Variants in XCR1 observed in about 807,000 individuals in gnomAD.
XCR1 encodes the protein X-C motif chemokine receptor 1.
For synonymous variants in XCR1, 187 were observed against 188.5 expected, an observed-to-expected ratio of 0.99 and a Z score of 0.06; for missense variants, 356 against 424.2, an observed-to-expected ratio of 0.84 and a Z score of 1.41.
At chr3:46,068,936 A>G (rs1185882896) in intron 3 of XCR1, among the ~76,000 whole-genome samples, 1 of 152,248 alleles carries the variant, frequency 6.6e-6, no homozygotes, top group Non-Finnish European at 1.5e-5. Context: ...TAAAAATACT[A>G]AACCAATGTA....
intron 5 of XCR1, among the ~76,000 whole-genome samples, chr3:46,036,702 A>G (rs1451864405): frequency 6.6e-6 from 1 of 152,202 alleles, no homozygotes; most frequent in African/African-American, 2.4e-5. Context: ...AAAATGATAA[A>G]CCTAGCCAGA....
At chr3:46,032,278 T>C (rs1018222126), upstream of XCR1, among the ~76,000 whole-genome samples, 1 of 152,210 alleles carries the variant, frequency 6.6e-6, no homozygotes, top group African/African-American at 2.4e-5. Flanking sequence ...TGGGGCCTTG[T>C]GGTTCCTAGC....
At chr3:46,070,983 T>C (rs1232355591) in intron 3 of XCR1, among the ~76,000 whole-genome samples, 1 of 152,182 alleles carries the variant, frequency 6.6e-6, no homozygotes, top group East Asian at 1.9e-4. Context: ...TTTATGATGG[T>C]GAATACCAAC....
chr3:46,076,187 T>A (rs903639579), intron 2 of XCR1, among the ~76,000 whole-genome samples: 1 of 152,186 alleles, frequency 6.6e-6, no homozygotes, highest in African/African-American at 2.4e-5. Flanking sequence ...TTGGATTTTG[T>A]ATGCAAAACA....
intron 5 of XCR1, among the ~76,000 whole-genome samples, chr3:46,042,692 A>G (rs1697556874): frequency 6.6e-6 from 1 of 152,242 alleles, no homozygotes; most frequent in Non-Finnish European, 1.5e-5. Context: ...AAACTTCCCA[A>G]TAAAGAAAAG....
intron 1 of XCR1, among the ~76,000 whole-genome samples, chr3:46,082,650 C>A (rs1698395434): frequency 7.6e-6 from 1 of 132,420 alleles, no homozygotes; most frequent in African/African-American, 2.5e-5. Context: ...ACCACCACAC[C>A]CAGCTAATTA....
chr3:46,075,180 A>T (rs1575442702), intron 2 of XCR1, among the ~76,000 whole-genome samples: 1 of 150,760 alleles, frequency 6.6e-6, no homozygotes, highest in South Asian at 2.1e-4. Flanking sequence ...GAAGAGAGTT[A>T]AAAAAACCCA....
At chr3:46,057,465 A>G (rs961105423) in intron 4 of XCR1, among the ~76,000 whole-genome samples, 3 of 152,220 alleles carry the variant, frequency 2.0e-5, no homozygotes, top group Non-Finnish European at 4.4e-5. Context: ...AAAATAAATC[A>G]GAAGACACAC....
chr3:46,062,809 C>T (rs1447232206), intron 4 of XCR1, among the ~76,000 whole-genome samples: 1 of 152,162 alleles, frequency 6.6e-6, no homozygotes, highest in Non-Finnish European at 1.5e-5. Context: ...CTGTCGTCTC[C>T]GATGGAACTC....
At chr3:46,042,242 C>T (rs190525659) in intron 5 of XCR1, among the ~76,000 whole-genome samples, 2 of 152,154 alleles carry the variant, frequency 1.3e-5, no homozygotes, top group Admixed American at 1.3e-4. Flanking sequence ...AAATCAACAA[C>T]CTAACTTTAT....
chr3:46,039,712 A>T (rs1697502476), intron 5 of XCR1, among the ~76,000 whole-genome samples: 1 of 152,200 alleles, frequency 6.6e-6, no homozygotes, highest in Admixed American at 6.5e-5. Flanking sequence ...CAGGTTCAGA[A>T]ATTAAAACTA....
At chr3:46,083,035 G>A (rs1049907520) in intron 1 of XCR1, among the ~76,000 whole-genome samples, 1 of 152,174 alleles carries the variant, frequency 6.6e-6, no homozygotes, top group Non-Finnish European at 1.5e-5. Flanking sequence ...CTGTTAATCA[G>A]GTCTGCCTGA....
upstream of XCR1, among the ~76,000 whole-genome samples, chr3:46,028,098 C>G (rs1477269173): frequency 1.3e-5 from 2 of 152,180 alleles, no homozygotes; most frequent in Non-Finnish European, 2.9e-5. Context: ...GCTAGCAACC[C>G]TCTTTTGGGT....
At chr3:46,023,510 A>G in intron 1 of XCR1, 1 of 1,569,926 alleles carries the variant, frequency 6.4e-7, no homozygotes, top group Non-Finnish European at 8.7e-7. Flanking sequence ...CTCCTCATCC[A>G]AGAGAGATGG....
Position 46,020,989 on chromosome 3 carries a change from T to G in XCR1, c.959A>C (p.His320Pro). The G allele has an allele frequency of 6.2e-7, 1 of 1,612,114 alleles. No homozygotes were observed. Among genetic ancestry groups the G allele is most frequent in the Non-Finnish European group, 8.5e-7 (1 of 1,179,194 alleles). Residue 320 changes from histidine (H) to proline (P), a missense_variant, in exon 2 of 2, where the codon CAC becomes CCC. His to Pro is a moderately conservative substitution (Grantham distance 77, BLOSUM62 -2). Transcript: ENST00000309285. ...CTCATAGGCGAAGGCACCAGGGGAG[T>G]GGGGGATCGAGGCTGGGCTGGGTGC... Reference protein sequence around the residue: ...LQAPSPASIPHSPGAFAYEGA... With the variant: ...LQAPSPASIPPSPGAFAYEGA...
chr3:46,078,745 CT>C (rs1698305089), intron 1 of XCR1, among the ~76,000 whole-genome samples: 1 of 152,170 alleles, frequency 6.6e-6, no homozygotes, highest in Admixed American at 6.5e-5. Context: ...AGTGAGTTCT[CT>C]TGCTATGGAG....
upstream of XCR1, among the ~76,000 whole-genome samples, chr3:46,030,924 G>T (rs937918943): frequency 1.3e-5 from 2 of 152,268 alleles, no homozygotes; most frequent in Non-Finnish European, 2.9e-5. Flanking sequence ...GTGTAGCTGG[G>T]ACTTTCAGGG....
At chr3:46,085,238 C>T (rs901172494) in intron 1 of XCR1, among the ~76,000 whole-genome samples, 4 of 151,622 alleles carry the variant, frequency 2.6e-5, no homozygotes, top group Admixed American at 2.6e-4. Context: ...GGTTCCATCA[C>T]CGCAAACACA....
At chr3:46,056,646 G>C (rs1022688259) in intron 4 of XCR1, among the ~76,000 whole-genome samples, 7 of 120,844 alleles carry the variant, frequency 5.8e-5, no homozygotes, top group Non-Finnish European at 8.8e-5. Flanking sequence ...GCTAATTTTT[G>C]TATTTATTTA....
Sources: gnomAD v4.1 joint callset for allele counts (sites outside exome capture counted in the v4.1 genomes callset) on GRCh38, gnomAD v4.1.1 for gene constraint, MANE v1.5 for transcripts, NCBI Gene and HGNC (gene_info 2026-07-23, HGNC 2026-07-21) for gene names.